The following CCDC159 variants were observed in gnomAD, a reference collection of about 807,000 sequenced individuals.
The protein encoded by CCDC159 is coiled-coil domain-containing protein 159.
CCDC159 carries 40 observed loss-of-function variants against 50.9 expected under a neutral mutation model. That is an observed-to-expected ratio of 0.79 (90% CI 0.61 to 1.02). The LOEUF is 1.02. Among genes scored for constraint, CCDC159 ranks in the 50% least tolerant of loss-of-function variants. The pLI is 0.00. For synonymous variants in CCDC159, 146 were observed against 138.9 expected (o/e 1.05, Z -0.36); for missense variants, 356 against 371.5 (o/e 0.96, Z 0.34).
Position 11,352,093 on chromosome 19 carries a change from A to G in CCDC159, c.527A>G (p.Asn176Ser), listed in dbSNP as rs777400193. 5 of 1,613,642 alleles carry G rather than the reference A, an allele frequency of 3.1e-6. No individual in the cohort carries two copies. The Admixed American group carries it at 8.3e-5, about 27-fold the overall frequency. The change falls in exon 7 of 11, where the codon AAC becomes AGC. Residue 176 changes from asparagine (N) to serine (S), a missense_variant. Transcript: ENST00000458408. ...GATGAGATCTCAGAGAACTTGGTGAACATTCAGAAAATGCAGAAAACGCAG... is the reference window on the plus strand; with the variant it reads ...GATGAGATCTCAGAGAACTTGGTGAGCATTCAGAAAATGCAGAAAACGCAG... ...QEDEISENLV[N>S]IQKMQKTQVK...
In CCDC159 at chr19:11,350,841, A is replaced by T. The variant is rs2144633111; in HGVS notation, c.260A>T (p.Lys87Met). ...VLSPTGRQGE[K>M]EEHKWGMEQG... ...AGCCCCACAGGCCGCCAGGGAGAGA[A>T]GGAGGAGCACAAGTGGGGCATGGAG... Residue 87 changes from lysine (K) to methionine (M), a missense_variant, in exon 5 of 11, where the codon AAG becomes ATG. Transcript: ENST00000458408. 6.4e-7 allele frequency: 1 copy of T among 1,551,138 alleles called. No individual in the cohort carries two copies. Among genetic ancestry groups the T allele is most frequent in the East Asian group, 2.4e-5 (1 of 41,082 alleles).
rs556311528 is a variant in CCDC159 at position 11,352,030 on chromosome 19, G to C, written c.491-27G>C. On this transcript the variant is annotated intron_variant, in intron 6 of 10. Coordinates refer to ENST00000458408, the MANE Select transcript of CCDC159 (RefSeq NM_001080503.3). ...GGGAGGGGGTCCTTCTTCAGCCTTTGTCCGCCTGAGCCCCCTCCCTCCACA... is the reference window on the plus strand; with the variant it reads ...GGGAGGGGGTCCTTCTTCAGCCTTTCTCCGCCTGAGCCCCCTCCCTCCACA... 4.8e-5 allele frequency: 77 copies of C among 1,613,418 alleles called. 1 individual carries two copies. The South Asian group carries it at 8.2e-4, about 17-fold the overall frequency.
At chr19:11,352,199 C>T (rs1403576720) in intron 7 of CCDC159, 66 bp downstream of exon 7, 1 of 1,512,422 alleles carries the variant, frequency 6.6e-7, no homozygotes, top group African/African-American at 1.4e-5. Flanking sequence ...TTTGGCCAGC[C>T]TCCACCATGA....
chr19:11,351,793 G>A (rs1967597484), intron 5 of CCDC159, 113 bp from the exon 6 acceptor site: 2 of 845,808 alleles, frequency 2.4e-6, no homozygotes, highest in Non-Finnish European at 3.8e-6. Flanking sequence ...GAAAAGGGCA[G>A]GGAAGTGTGG....
Position 11,349,956 on chromosome 19 carries a change from T to A in CCDC159, c.74T>A (p.Ile25Asn), listed in dbSNP as rs748924037. The A allele has an allele frequency of 6.2e-7, 1 of 1,613,842 alleles. No individual in the cohort carries two copies. The highest frequency in any genetic ancestry group is 8.5e-7 in the Non-Finnish European group (1 of 1,179,830). Reference sequence around the variant, plus strand: ...CCCACAGCCAAGACCATTGTGATGATTCCCGACTCCCAGAAGCTCCTGCGA... The same window carrying A: ...CCCACAGCCAAGACCATTGTGATGAATCCCGACTCCCAGAAGCTCCTGCGA... The part of the protein sequence containing the change: ...SKVKAKTIVM[I>N]PDSQKLLRCE... The change falls in exon 3 of 11, where the codon ATT becomes AAT. Residue 25 changes from isoleucine to asparagine, a missense_variant. Transcript: ENST00000458408.
intron 1 of CCDC159, 29 bp downstream of exon 1, chr19:11,346,656 G>C (rs1271356829): frequency 1.3e-6 from 2 of 1,550,470 alleles, no homozygotes. Flanking sequence ...TCTGGAGCCT[G>C]GCGGGTGTAG....
At chr19:11,347,474 G>A (rs1967313944) in intron 1 of CCDC159, among the ~76,000 whole-genome samples, 1 of 152,148 alleles carries the variant, frequency 6.6e-6, no homozygotes, top group South Asian at 2.1e-4. Context: ...GAGATTACAG[G>A]CATGCGCCAC....
At chr19:11,349,019 G>C (rs776351713) in intron 1 of CCDC159, 2 of 1,341,040 alleles carry the variant, frequency 1.5e-6, no homozygotes, top group South Asian at 2.3e-5. Flanking sequence ...CAGGACTCCA[G>C]AGCCAGAGAC....
intron 1 of CCDC159, among the ~76,000 whole-genome samples, chr19:11,347,979 C>T (rs1011337439): frequency 8.5e-5 from 13 of 152,218 alleles, no homozygotes; most frequent in African/African-American, 3.1e-4. Context: ...GGCTGGCATT[C>T]ACCTGTGGGG....
chr19:11,346,564 C>G lies in CCDC159; in HGVS notation c.-43C>G. 1 of 1,551,014 alleles carries G rather than the reference C, an allele frequency of 6.4e-7. No homozygotes were observed. The highest frequency in any genetic ancestry group is 8.7e-7 in the Non-Finnish European group (1 of 1,146,414). The stretch of plus-strand genomic sequence containing the variant: ...TAATACGATGGTGTCCCCGCGGGAT[C>G]AAACTTCAGCGTCACAGCTGAGGAC... On this transcript the variant is annotated 5_prime_UTR_variant, in exon 1 of 11. It adds an upstream start codon to the 5' untranslated region. Transcript: ENST00000458408.
intron 1 of CCDC159, 123 bp from the exon 2 acceptor site, chr19:11,349,531 A>G: frequency 7.8e-7 from 1 of 1,288,290 alleles, no homozygotes; most frequent in Non-Finnish European, 1.1e-6. Context: ...GCCTGCACTT[A>G]CGGTTTGGGA....
chr19:11,351,048 G>C, intron 5 of CCDC159, 45 bp downstream of exon 5: 1 of 1,486,986 alleles, frequency 6.7e-7, no homozygotes, highest in Non-Finnish European at 9.0e-7. Context: ...AGGAGGGAAG[G>C]GAGACCCAGA....
intron 2 of CCDC159, 109 bp downstream of exon 2, chr19:11,349,796 C>T: frequency 1.7e-6 from 2 of 1,204,394 alleles, no homozygotes; most frequent in Admixed American, 1.9e-5. Context: ...CCCATTCACT[C>T]CTGCCCAAGG....
At chr19:11,351,853 G>A in intron 5 of CCDC159, 53 bp from the exon 6 acceptor site, 1 of 1,509,780 alleles carries the variant, frequency 6.6e-7, no homozygotes. Flanking sequence ...TAGGGGCATG[G>A]GAGGTCAGGG....
chr19:11,354,390 T>TA (rs113087457), intron 9 of CCDC159, among the ~76,000 whole-genome samples, 190 bp from the exon 10 acceptor site: 9 of 147,558 alleles, frequency 6.1e-5, no homozygotes, highest in South Asian at 2.1e-4. Flanking sequence ...ACCCCATCTC[T>TA]AAAAAAAAAA....
In CCDC159 at chr19:11,346,619, G is replaced by C; in HGVS notation, c.13G>C (p.Glu5Gln). The C allele has an allele frequency of 6.4e-7, 1 of 1,551,540 alleles. No individual in the cohort carries two copies. The highest frequency in any genetic ancestry group is 2.4e-5 in the East Asian group (1 of 40,880). The change falls in exon 1 of 11, where the codon GAA (glutamate) becomes CAA (glutamine). Residue 5 changes from glutamate to glutamine, a missense_variant. By Grantham distance (29) the Glu-to-Gln change is conservative. Coordinates refer to ENST00000458408, the MANE Select transcript of CCDC159 (RefSeq NM_001080503.3). The stretch of plus-strand genomic sequence containing the variant: ...TTCGTGGTCCCTGATGGGAGAGCAT[G>C]AACAGGTGGTATGTGGTAGGTGGGG... MGEH[E>Q]QVKPLETSSS...
At chr19:11,353,684 A>G in intron 8 of CCDC159, 108 bp from the exon 9 acceptor site, 5 of 1,544,208 alleles carry the variant, frequency 3.2e-6, no homozygotes, top group Non-Finnish European at 4.4e-6. Flanking sequence ...GACTTCCCTC[A>G]CCCCCTAGGA....
At chr19:11,348,118 C>T in intron 1 of CCDC159, 1 of 456,556 alleles carries the variant, frequency 2.2e-6, no homozygotes, top group South Asian at 1.5e-5. Context: ...GATTCCACAC[C>T]TCCAAGCTTT....
In CCDC159 at chr19:11,353,850, T is replaced by C. The variant is rs1315157173; in HGVS notation, c.748T>C (p.Cys250Arg). Residue 250 changes from cysteine to arginine, a missense_variant, in exon 9 of 11, where the codon TGT becomes CGT. Physicochemically the swap from Cys to Arg is radical, Grantham distance 180. Coordinates refer to ENST00000458408, the MANE Select transcript of CCDC159 (RefSeq NM_001080503.3). Reference protein sequence around the residue: ...IDSLTLCSGACPKASSLRGHK... With the variant: ...IDSLTLCSGARPKASSLRGHK... ...CAGCCTCACTTTGTGCTCGGGGGCC[T>C]GTCCCAAGGCCTCGAGCCTAAGAGG... 3.1e-6 allele frequency: 5 copies of C among 1,588,380 alleles called. No individual in the cohort carries two copies. The highest frequency in any genetic ancestry group is 3.6e-5 in the Admixed American group (2 of 55,790).
Sources: allele counts gnomAD v4.1 joint callset (sites outside exome capture counted in the v4.1 genomes callset), GRCh38; gene constraint gnomAD v4.1.1; transcripts MANE v1.5; gene names NCBI Gene and HGNC (gene_info 2026-07-23, HGNC 2026-07-21).